Variants in HIVEP3 observed in about 807,000 individuals in gnomAD.
HIVEP3 encodes HIVEP zinc finger 3.
In HIVEP3, 49 loss-of-function variants were observed where a neutral mutation model predicts 152.8. The ratio of observed to expected loss-of-function variants is 0.32; its 90% CI spans 0.26 to 0.41. The LOEUF (loss-of-function observed/expected upper bound fraction) is 0.41, where lower values mean the gene tolerates loss of function less well. HIVEP3 is among the 10% of genes least tolerant of loss of function. The pLI is 1.00. For missense variants in HIVEP3, 2,790 were observed against 3,103.3 expected (o/e 0.90, Z 2.40); for synonymous variants, 1,269 against 1,289.0 (o/e 0.98, Z 0.33).
chr1:41,909,802 G>T (rs12034218), intron 1 of HIVEP3, among the ~76,000 whole-genome samples: 46,662 of 151,786 alleles, frequency 0.31, 8,809 homozygotes, highest in Non-Finnish European at 0.43. Flanking sequence ...GTAACAAAAA[G>T]ATAATAAGAA....
rs551614984 is a variant in HIVEP3 at position 41,930,929 on chromosome 1, A to T, written n.120-12405T>A. On this transcript the variant is annotated intron_variant and non_coding_transcript_variant, in intron 1 of 3. Transcript: ENST00000489103. ...TTTGCCATCATATGCTTTCTTTGGT[A>T]AAACATATGTTCAAATATTTTGCCC... Among the ~76,000 whole-genome samples, 538 of 152,262 alleles carry T rather than the reference A, an allele frequency of 3.5e-3. 2 individuals carry two copies. Among genetic ancestry groups the T allele is most frequent in the African/African-American group, 0.013 (523 of 41,568 alleles).
chr1:41,513,656 T>C lies in HIVEP3; in HGVS notation c.5565A>G (p.Ser1855=). Residue 1855 remains serine, a synonymous_variant, in exon 8 of 9, where the codon TCA becomes TCG. Transcript: ENST00000372583. ...CCTCGTCTTCGTCCAGGTCTGAGTC[T>C]GAGTCCGAGTCCTCCAGGTCCGAAA... ...HQFSDLEDSD[S]DSDLDEDEDE... The C allele has an allele frequency of 6.2e-7, 1 of 1,613,700 alleles. No homozygotes were observed. Among genetic ancestry groups the C allele is most frequent in the Non-Finnish European group, 8.5e-7 (1 of 1,179,918 alleles).
At chr1:41,645,650 G>A (rs144224498) in intron 2 of HIVEP3, among the ~76,000 whole-genome samples, 2 of 152,310 alleles carry the variant, frequency 1.3e-5, no homozygotes, top group Non-Finnish European at 2.9e-5. Context: ...ATCCTCAGGG[G>A]AGCACCAGGC....
At chr1:41,528,461 C>T (rs1179643361) in intron 5 of HIVEP3, among the ~76,000 whole-genome samples, 1 of 131,046 alleles carries the variant, frequency 7.6e-6, no homozygotes, top group African/African-American at 2.9e-5. Flanking sequence ...ACACACACCC[C>T]ACCCTCACCT....
chr1:41,774,208 T>C (rs1193099238), intron 1 of HIVEP3, among the ~76,000 whole-genome samples: 1 of 152,240 alleles, frequency 6.6e-6, no homozygotes, highest in Non-Finnish European at 1.5e-5. Context: ...GGCTGCACCT[T>C]CTGCCAAGGT....
At chr1:41,962,233 C>T (rs1645173410) in intron 1 of HIVEP3, among the ~76,000 whole-genome samples, 2 of 152,124 alleles carry the variant, frequency 1.3e-5, no homozygotes, top group Admixed American at 6.5e-5. Context: ...AGTGGGAAAC[C>T]AAGAAAACAG....
rs188316758 is a variant in HIVEP3, at chr1:42,004,698, A to C, written n.119+31109T>G. On this transcript the variant is annotated intron_variant and non_coding_transcript_variant, in intron 1 of 3. Coordinates refer to the HIVEP3 transcript ENST00000489103. Reference sequence around the variant, plus strand: ...AACTATTAGGAAAATCCTATCACCTATTGAGCAGTGGTTCTCAAAGTATGG... The same window carrying C: ...AACTATTAGGAAAATCCTATCACCTCTTGAGCAGTGGTTCTCAAAGTATGG... 1.7e-3 allele frequency among the ~76,000 whole-genome samples: 266 copies of C among 152,338 alleles called. 6 individuals carry two copies. Among genetic ancestry groups the C allele is most frequent in the Admixed American group, 0.014 (217 of 15,310 alleles).
rs751941289 is a variant in HIVEP3, at chr1:41,924,625, A to C, written n.120-6101T>G. On this transcript the variant is annotated intron_variant and non_coding_transcript_variant, in intron 1 of 3. Transcript: ENST00000489103. The stretch of plus-strand genomic sequence containing the variant: ...ACTGACTTTTTCTCATCTATTAAGT[A>C]GAGGTAAGAAAGGTACCTACCCACT... Among the ~76,000 whole-genome samples, 5 of 152,262 alleles carry C rather than the reference A, an allele frequency of 3.3e-5. No individual in the cohort carries two copies. The South Asian group carries it at 1.0e-3, about 32-fold the overall frequency.
intron 1 of HIVEP3, among the ~76,000 whole-genome samples, chr1:41,895,967 G>A (rs1235600774): frequency 6.6e-6 from 1 of 152,190 alleles, no homozygotes; most frequent in Non-Finnish European, 1.5e-5. Context: ...TCACGGCACT[G>A]CCCGGATGAA....
At chr1:41,878,941 C>T (rs1057059351) in intron 1 of HIVEP3, among the ~76,000 whole-genome samples, 13 of 146,404 alleles carry the variant, frequency 8.9e-5, no homozygotes, top group South Asian at 2.4e-4. Flanking sequence ...GCAGGGATAC[C>T]GCATACTCCA....
intron 1 of HIVEP3, among the ~76,000 whole-genome samples, chr1:41,759,024 C>A (rs1647498258): frequency 6.6e-6 from 1 of 152,060 alleles, no homozygotes; most frequent in Non-Finnish European, 1.5e-5. Flanking sequence ...TGTTGTGCAA[C>A]CATCACCACT....
intron 1 of HIVEP3, among the ~76,000 whole-genome samples, chr1:41,882,641 A>G (rs759925423): frequency 6.6e-6 from 1 of 152,174 alleles, no homozygotes; most frequent in Non-Finnish European, 1.5e-5. Context: ...CACCCATCAC[A>G]TTGGAAACAA....
At chr1:41,767,995 C>T (rs893620060) in intron 1 of HIVEP3, among the ~76,000 whole-genome samples, 1 of 152,196 alleles carries the variant, frequency 6.6e-6, no homozygotes, top group African/African-American at 2.4e-5. Flanking sequence ...ATGTAGATGG[C>T]AGACATCATT....
Position 41,510,859 on chromosome 1 carries a change from G to A in HIVEP3, c.6813C>T (p.Gly2271=), listed in dbSNP as rs549142996. Residue 2271 remains glycine, a synonymous_variant, in exon 9 of 9, where the codon GGC becomes GGT. Coordinates refer to ENST00000372583, the MANE Select transcript of HIVEP3 (RefSeq NM_024503.5). The part of the protein sequence containing the change: ...SKFTLSSELE[G]GDYPKERERT... Reference sequence around the variant, plus strand: ...TCTCCCTCTCCTTGGGGTAGTCCCCGCCCTCCAGCTCTGAGGAGAGTGTGA... The same window carrying A: ...TCTCCCTCTCCTTGGGGTAGTCCCCACCCTCCAGCTCTGAGGAGAGTGTGA... 73 of 1,613,310 alleles carry A rather than the reference G, an allele frequency of 4.5e-5. 1 individual carries two copies. Among genetic ancestry groups the A allele is most frequent in the East Asian group, 2.7e-4 (12 of 44,866 alleles).
chr1:41,922,055 ATG>A (rs1268200914), upstream of HIVEP3, among the ~76,000 whole-genome samples: 1 of 152,240 alleles, frequency 6.6e-6, no homozygotes, highest in African/African-American at 2.4e-5. Flanking sequence ...GGCATCATTA[ATG>A]AAGAAGAAAT....
chr1:41,757,224 T>C (rs1226706361), intron 1 of HIVEP3, among the ~76,000 whole-genome samples: 2 of 151,728 alleles, frequency 1.3e-5, no homozygotes, highest in African/African-American at 2.4e-5. Flanking sequence ...CACGCCATTC[T>C]CCTGCCTCAG....
intron 2 of HIVEP3, among the ~76,000 whole-genome samples, chr1:41,665,041 T>C (rs977459126): frequency 6.6e-5 from 10 of 152,098 alleles, no homozygotes; most frequent in Non-Finnish European, 1.3e-4. Flanking sequence ...GCCAGGAGTG[T>C]CAGCTGGGGA....
intron 2 of HIVEP3, among the ~76,000 whole-genome samples, chr1:41,681,028 A>G (rs1159850228): frequency 2.0e-5 from 3 of 152,152 alleles, no homozygotes; most frequent in African/African-American, 4.8e-5. Flanking sequence ...CAGATGAGAA[A>G]ACTGAGGCTC....
At chr1:41,772,067 G>A (rs1411590537) in intron 1 of HIVEP3, among the ~76,000 whole-genome samples, 3 of 152,228 alleles carry the variant, frequency 2.0e-5, no homozygotes, top group Non-Finnish European at 2.9e-5. Flanking sequence ...CTGCTGCCGC[G>A]AGTGATGCCA....
Sources: gnomAD v4.1 joint callset for allele counts (sites outside exome capture counted in the v4.1 genomes callset) on GRCh38, gnomAD v4.1.1 for gene constraint, MANE v1.5 for transcripts, NCBI Gene and HGNC (gene_info 2026-07-23, HGNC 2026-07-21) for gene names.